The following PTPRD variants were observed in gnomAD, a reference collection of about 807,000 sequenced individuals.
PTPRD encodes protein tyrosine phosphatase receptor type D.
A neutral mutation model predicts 214.5 loss-of-function variants in PTPRD; 34 were observed. The ratio of observed to expected loss-of-function variants is 0.16; its 90% CI spans 0.12 to 0.21. The LOEUF is 0.21. PTPRD is among the 10% of genes least tolerant of loss of function. The pLI is 1.00. For missense variants in PTPRD, 2,545 were observed against 2,398.7 expected (o/e 1.06, Z -1.27); for synonymous variants, 1,128 against 845.7 (o/e 1.33, Z -5.79).
chr9:10,452,428 T>G (rs1035191896), intron 2 of PTPRD, among the ~76,000 whole-genome samples: 3 of 151,822 alleles, frequency 2.0e-5, no homozygotes, highest in Admixed American at 6.6e-5. Context: ...TATACCAATT[T>G]ACATTCCCAC....
intron 10 of PTPRD, among the ~76,000 whole-genome samples, chr9:9,131,009 G>C (rs1569549741): frequency 6.6e-6 from 1 of 151,856 alleles, no homozygotes. Flanking sequence ...TCTAATACAA[G>C]ATTTTTTTAA....
intron 7 of PTPRD, among the ~76,000 whole-genome samples, chr9:9,733,790 T>G (rs1414955117): frequency 1.3e-5 from 2 of 152,154 alleles, no homozygotes; most frequent in Non-Finnish European, 1.5e-5. Flanking sequence ...TAGTATTAAA[T>G]GAGATAAAAT....
chr9:8,837,856 C>G (rs1029882538), intron 11 of PTPRD, among the ~76,000 whole-genome samples: 7 of 151,958 alleles, frequency 4.6e-5, no homozygotes, highest in African/African-American at 1.7e-4. Context: ...AAGTGGTTTC[C>G]TTTGTTTGCC....
chr9:8,368,914 C>T (rs1374401593), intron 39 of PTPRD, among the ~76,000 whole-genome samples: 1 of 152,032 alleles, frequency 6.6e-6, no homozygotes, highest in Non-Finnish European at 1.5e-5. Flanking sequence ...TAAAATGTTT[C>T]CATAAATAAG....
At chr9:9,957,365 C>T (rs1162188598) in intron 4 of PTPRD, among the ~76,000 whole-genome samples, 4 of 151,934 alleles carry the variant, frequency 2.6e-5, no homozygotes, top group Non-Finnish European at 5.9e-5. Flanking sequence ...CAAGAAAGGA[C>T]TTGTACACAT....
chr9:10,282,726 G>T (rs1157532672), intron 3 of PTPRD, among the ~76,000 whole-genome samples: 1 of 151,940 alleles, frequency 6.6e-6, no homozygotes, highest in African/African-American at 2.4e-5. Context: ...TTTTTAAGTT[G>T]CATGGTGATT....
chr9:10,003,031 AAC>A (rs1228141648), intron 4 of PTPRD, among the ~76,000 whole-genome samples: 5 of 151,840 alleles, frequency 3.3e-5, no homozygotes, highest in African/African-American at 9.7e-5. Context: ...TTATAAGAGA[AAC>A]AGTTAATAAT....
chr9:10,098,434 G>A (rs443546), intron 3 of PTPRD, among the ~76,000 whole-genome samples: 83,541 of 150,904 alleles, frequency 0.55, 23,449 homozygotes, highest in East Asian at 0.7. Context: ...CATGGCACAT[G>A]TATACGTATG....
intron 9 of PTPRD, among the ~76,000 whole-genome samples, chr9:9,367,944 T>C (rs771333285): frequency 3.3e-5 from 5 of 151,700 alleles, no homozygotes; most frequent in South Asian, 4.2e-4. Flanking sequence ...GAGTGCCCAA[T>C]AGGTCATATG....
intron 34 of PTPRD, among the ~76,000 whole-genome samples, chr9:8,446,300 C>A (rs557999647): frequency 6.6e-6 from 1 of 152,330 alleles, no homozygotes; most frequent in South Asian, 2.1e-4. Context: ...AAAGATCTGA[C>A]TTCTTAAATC....
At chr9:9,464,551 G>A (rs2093967722) in intron 8 of PTPRD, among the ~76,000 whole-genome samples, 1 of 152,102 alleles carries the variant, frequency 6.6e-6, no homozygotes, top group South Asian at 2.1e-4. Flanking sequence ...CACAGCATGA[G>A]ACACATTTAG....
chr9:10,514,281 T>C (rs1171986469), intron 2 of PTPRD, among the ~76,000 whole-genome samples: 2 of 151,826 alleles, frequency 1.3e-5, no homozygotes, highest in African/African-American at 4.8e-5. Flanking sequence ...TTATGTATTT[T>C]TTTTTATAAA....
At chr9:9,838,734 G>A (rs953469087) in intron 5 of PTPRD, among the ~76,000 whole-genome samples, 8 of 152,094 alleles carry the variant, frequency 5.3e-5, no homozygotes, top group African/African-American at 1.9e-4. Context: ...CACTCTGATG[G>A]TAGTTTCTTT....
intron 5 of PTPRD, among the ~76,000 whole-genome samples, chr9:9,917,161 A>C (rs1288631745): frequency 6.6e-6 from 1 of 151,310 alleles, no homozygotes; most frequent in African/African-American, 2.4e-5. Context: ...AAAAGAACAA[A>C]CTAAATCCAA....
At chr9:8,484,978 T>C (rs568203129) in intron 29 of PTPRD, among the ~76,000 whole-genome samples, 49 of 152,268 alleles carry the variant, frequency 3.2e-4, no homozygotes, top group Middle Eastern at 6.8e-3. Context: ...ATGTAAAAAG[T>C]TCAAGTTCAA....
At chr9:8,446,793 G>A (rs2095747215) in intron 34 of PTPRD, among the ~76,000 whole-genome samples, 2 of 152,070 alleles carry the variant, frequency 1.3e-5, no homozygotes, top group South Asian at 4.1e-4. Context: ...ACCTAATGAA[G>A]GATTATTTTA....
chr9:9,944,752 G>T (rs1168370321), intron 4 of PTPRD, among the ~76,000 whole-genome samples: 1 of 152,002 alleles, frequency 6.6e-6, no homozygotes, highest in Admixed American at 6.6e-5. Context: ...GAGTAGGTCA[G>T]GGTAATGAGG....
intron 20 of PTPRD, among the ~76,000 whole-genome samples, chr9:8,520,054 A>G (rs1003119818): frequency 2.0e-5 from 3 of 152,174 alleles, no homozygotes; most frequent in African/African-American, 7.2e-5. Context: ...CTGACCTGGC[A>G]TTTTTCAAGG....
intron 11 of PTPRD, among the ~76,000 whole-genome samples, chr9:8,951,703 A>C (rs1313288403): frequency 5.3e-5 from 8 of 152,150 alleles, no homozygotes; most frequent in African/African-American, 9.6e-5. Context: ...TGTCTGATTT[A>C]CTTTCAGATA....
Sources: gnomAD v4.1 joint callset for allele counts (sites outside exome capture counted in the v4.1 genomes callset) on GRCh38, gnomAD v4.1.1 for gene constraint, MANE v1.5 for transcripts, NCBI Gene and HGNC (gene_info 2026-07-23, HGNC 2026-07-21) for gene names.